The following SEMA6D variants were observed in gnomAD, a reference collection of about 807,000 sequenced individuals.
SEMA6D encodes the protein semaphorin-6D.
In SEMA6D, 35 loss-of-function variants were observed where a neutral mutation model predicts 106.6. That is an observed-to-expected ratio of 0.33 (90% confidence interval 0.25 to 0.44). The LOEUF (loss-of-function observed/expected upper bound fraction) is 0.44, where lower values mean the gene tolerates loss of function less well. Among genes scored for constraint, SEMA6D ranks in the 20% least tolerant of loss-of-function variants. The pLI is 1.00. For synonymous variants in SEMA6D, 499 were observed against 487.7 expected (o/e 1.02, Z -0.31); for missense variants, 1,185 against 1,345.9 (o/e 0.88, Z 1.87).
chr15:47,634,155 T>TA (rs1260132102), intron 4 of SEMA6D, among the ~76,000 whole-genome samples: 5 of 152,152 alleles, frequency 3.3e-5, no homozygotes, highest in Non-Finnish European at 7.4e-5. Context: ...TTATGAAGGC[T>TA]AGATCGGTGT....
At chr15:47,592,064 T>C (rs1018650500) in intron 3 of SEMA6D, among the ~76,000 whole-genome samples, 1 of 152,178 alleles carries the variant, frequency 6.6e-6, no homozygotes, top group Non-Finnish European at 1.5e-5. Flanking sequence ...GGCATTCTTA[T>C]TGACATTTCC....
At chr15:47,439,871 T>C (rs1025577441) in intron 2 of SEMA6D, among the ~76,000 whole-genome samples, 3 of 152,120 alleles carry the variant, frequency 2.0e-5, no homozygotes, top group Non-Finnish European at 4.4e-5. Flanking sequence ...AAGAGGAATT[T>C]GAACACATGG....
chr15:47,358,376 C>T (rs2038674276), intron 1 of SEMA6D, among the ~76,000 whole-genome samples: 1 of 152,172 alleles, frequency 6.6e-6, no homozygotes, highest in South Asian at 2.1e-4. Flanking sequence ...TTTGGTGCCT[C>T]CTTCCCAAGT....
intron 1 of SEMA6D, among the ~76,000 whole-genome samples, chr15:47,198,379 AT>A (rs1420841880): frequency 6.6e-6 from 1 of 152,194 alleles, no homozygotes; most frequent in Non-Finnish European, 1.5e-5. Flanking sequence ...GATTGGCTTG[AT>A]TATACCATTC....
Position 47,770,718 on chromosome 15 carries a change from G to A in SEMA6D, c.2155G>A (p.Gly719Ser), listed in dbSNP as rs1380462123. 1 of 1,613,940 alleles carries A rather than the reference G, an allele frequency of 6.2e-7. No individual in the cohort carries two copies. Residue 719 changes from glycine to serine, a missense_variant, in exon 19 of 19, where the codon GGT (glycine) becomes AGT (serine). Coordinates refer to ENST00000536845, the MANE Select transcript of SEMA6D (RefSeq NM_001358351.3). ...DSSGSFAKLN[G>S]LFDSPVKEYQ... is the part of the protein sequence containing the mutation. ...CAGTGGAAGTTTTGCCAAACTGAAT[G>A]GTCTCTTTGACAGCCCTGTCAAGGA...
chr15:47,379,904 T>G (rs1182130236), intron 1 of SEMA6D, among the ~76,000 whole-genome samples: 1 of 151,712 alleles, frequency 6.6e-6, no homozygotes, highest in Admixed American at 6.6e-5. Flanking sequence ...ACTACAGGCA[T>G]GCCCCACCAC....
chr15:47,592,298 C>T (rs1360050550), intron 3 of SEMA6D, among the ~76,000 whole-genome samples: 1 of 152,210 alleles, frequency 6.6e-6, no homozygotes, highest in Non-Finnish European at 1.5e-5. Flanking sequence ...CTTACTCTGA[C>T]TTTGTGAACC....
chr15:47,433,350 A>T (rs1441673191), intron 2 of SEMA6D, among the ~76,000 whole-genome samples: 1 of 151,816 alleles, frequency 6.6e-6, no homozygotes, highest in Non-Finnish European at 1.5e-5. Context: ...ATATTTATAT[A>T]TTAGACATAT....
chr15:47,446,295 G>C (rs2042026426), intron 2 of SEMA6D, among the ~76,000 whole-genome samples: 1 of 152,144 alleles, frequency 6.6e-6, no homozygotes, highest in Non-Finnish European at 1.5e-5. Context: ...ACAAGCCTTG[G>C]GGGAAGCCAG....
At chr15:47,466,032 TTG>T (rs2042647985) in intron 2 of SEMA6D, among the ~76,000 whole-genome samples, 2 of 152,178 alleles carry the variant, frequency 1.3e-5, no homozygotes, top group African/African-American at 2.4e-5. Context: ...GGTGGTATAA[TTG>T]ACAAATAAAA....
At chr15:47,339,890 AAG>A (rs774038286) in intron 1 of SEMA6D, among the ~76,000 whole-genome samples, 5 of 151,910 alleles carry the variant, frequency 3.3e-5, no homozygotes, top group Admixed American at 6.6e-5. Context: ...GAGAGAGAGA[AAG>A]AAAAAGAGAA....
At chr15:47,763,176 G>A in intron 9 of SEMA6D, 72 bp downstream of exon 9, 1 of 1,175,320 alleles carries the variant, frequency 8.5e-7, no homozygotes, top group Non-Finnish European at 1.2e-6. Flanking sequence ...ATAGAGTTAA[G>A]GATGCTCACT....
chr15:47,506,685 G>A (rs2044054143), intron 3 of SEMA6D, among the ~76,000 whole-genome samples: 1 of 151,202 alleles, frequency 6.6e-6, no homozygotes, highest in Non-Finnish European at 1.5e-5. Context: ...TAAATAAAAG[G>A]CAGTGCAGTG....
At chr15:47,595,061 C>T (rs2143076731) in intron 3 of SEMA6D, among the ~76,000 whole-genome samples, 1 of 152,182 alleles carries the variant, frequency 6.6e-6, no homozygotes. Context: ...AGATAGGTGC[C>T]AGAGGTTGAA....
intron 4 of SEMA6D, among the ~76,000 whole-genome samples, chr15:47,663,072 T>C (rs891134453): frequency 6.6e-6 from 1 of 152,190 alleles, no homozygotes; most frequent in Non-Finnish European, 1.5e-5. Flanking sequence ...GTACTCGTAA[T>C]TAAATTTCAA....
At chr15:47,343,538 A>C (rs1426859474) in intron 1 of SEMA6D, among the ~76,000 whole-genome samples, 1 of 151,850 alleles carries the variant, frequency 6.6e-6, no homozygotes, top group Admixed American at 6.6e-5. Flanking sequence ...TAGTTTGCTG[A>C]GAATGATGGT....
chr15:47,279,561 A>G (rs1342007959), intron 1 of SEMA6D, among the ~76,000 whole-genome samples: 1 of 148,910 alleles, frequency 6.7e-6, no homozygotes, highest in African/African-American at 2.5e-5. Flanking sequence ...TTCCAACACT[A>G]TGTTGAATAG....
At chr15:47,564,720 GC>G (rs1354748141) in intron 3 of SEMA6D, among the ~76,000 whole-genome samples, 3 of 152,090 alleles carry the variant, frequency 2.0e-5, no homozygotes, top group African/African-American at 4.8e-5. Context: ...TGAGACCATG[GC>G]CCAAAGTGAG....
chr15:47,411,309 A>G (rs1211515282), intron 1 of SEMA6D, among the ~76,000 whole-genome samples: 4 of 151,866 alleles, frequency 2.6e-5, no homozygotes, highest in South Asian at 2.1e-4. Flanking sequence ...GTTAGCCAGG[A>G]TGGTCTCGAT....
Sources: allele counts gnomAD v4.1 joint callset (sites outside exome capture counted in the v4.1 genomes callset), GRCh38; gene constraint gnomAD v4.1.1; transcripts MANE v1.5; gene names NCBI Gene and HGNC (gene_info 2026-07-23, HGNC 2026-07-21).